The following WWOX variants were observed in gnomAD, a reference collection of about 807,000 sequenced individuals.
WWOX encodes WW domain-containing oxidoreductase.
WWOX carries 69 observed loss-of-function variants against 46.2 expected under a neutral mutation model. The observed-to-expected ratio is 1.49, with a 90% CI of 1.23 to 1.82. The LOEUF (loss-of-function observed/expected upper bound fraction) is 1.82, where lower values mean the gene tolerates loss of function less well. Ranked by LOEUF, WWOX falls within the 40% of genes most tolerant of loss-of-function variation. The pLI is 0.00. For synonymous variants in WWOX, 359 were observed against 202.6 expected, an observed-to-expected ratio of 1.77 and a Z score of -6.56; for missense variants, 919 against 542.6, an observed-to-expected ratio of 1.69 and a Z score of -6.89.
chr16:78,855,981 A>G (rs765376710), intron 8 of WWOX, among the ~76,000 whole-genome samples: 1 of 152,210 alleles, frequency 6.6e-6, no homozygotes, highest in Non-Finnish European at 1.5e-5. Flanking sequence ...TGCACGCACA[A>G]GGTACCCAAG....
chr16:79,118,454 A>C (rs2049562686), intron 8 of WWOX, among the ~76,000 whole-genome samples: 1 of 152,226 alleles, frequency 6.6e-6, no homozygotes, highest in Non-Finnish European at 1.5e-5. Context: ...AAGAATTATC[A>C]AAATGTGATA....
intron 8 of WWOX, among the ~76,000 whole-genome samples, chr16:79,083,633 C>T (rs994020025): frequency 6.6e-6 from 1 of 152,136 alleles, no homozygotes; most frequent in Non-Finnish European, 1.5e-5. Flanking sequence ...CACGATAAGA[C>T]AGTTAGGTTC....
At chr16:78,953,572 C>G (rs779341324) in intron 8 of WWOX, among the ~76,000 whole-genome samples, 2 of 152,166 alleles carry the variant, frequency 1.3e-5, no homozygotes, top group Non-Finnish European at 2.9e-5. Context: ...GACTCATTGA[C>G]GGCAGAGAGT....
At chr16:78,785,196 T>C (rs183363379) in intron 8 of WWOX, among the ~76,000 whole-genome samples, 16 of 152,276 alleles carry the variant, frequency 1.1e-4, no homozygotes, top group African/African-American at 3.6e-4. Flanking sequence ...TAAGATGAAG[T>C]GTCTTTTGCT....
At chr16:78,699,704 C>G (rs1441174777) in intron 8 of WWOX, among the ~76,000 whole-genome samples, 1 of 152,184 alleles carries the variant, frequency 6.6e-6, no homozygotes, top group Non-Finnish European at 1.5e-5. Flanking sequence ...TATCTACAGC[C>G]TCTACCAGAT....
chr16:78,559,753 C>G (rs1458445438), intron 8 of WWOX, among the ~76,000 whole-genome samples: 1 of 152,190 alleles, frequency 6.6e-6, no homozygotes, highest in Non-Finnish European at 1.5e-5. Flanking sequence ...TAACTAATGA[C>G]TTTAATCGTG....
chr16:78,222,389 A>C (rs2036917674), intron 5 of WWOX, among the ~76,000 whole-genome samples: 2 of 151,738 alleles, frequency 1.3e-5, no homozygotes, highest in African/African-American at 4.8e-5. Flanking sequence ...GAGTGGCAAC[A>C]GAACTTGGGA....
At chr16:79,108,152 C>G (rs1417617645) in intron 8 of WWOX, among the ~76,000 whole-genome samples, 3 of 152,202 alleles carry the variant, frequency 2.0e-5, no homozygotes, top group East Asian at 3.9e-4. Context: ...AATAGGCACT[C>G]TGTTGGTGGC....
chr16:78,774,216 C>A (rs1009392705), intron 8 of WWOX, among the ~76,000 whole-genome samples: 1 of 152,132 alleles, frequency 6.6e-6, no homozygotes, highest in Non-Finnish European at 1.5e-5. Context: ...TCCTGGCCAA[C>A]ATGGTGAAAC....
intron 8 of WWOX, among the ~76,000 whole-genome samples, chr16:78,928,627 A>T (rs4243163): frequency 0.99 from 150,229 of 152,190 alleles, 74,176 homozygotes; most frequent in Middle Eastern, 1. Flanking sequence ...AGATGAAATG[A>T]AAGAAATTCT....
chr16:79,009,720 G>T (rs888364701), intron 8 of WWOX, among the ~76,000 whole-genome samples: 2 of 152,076 alleles, frequency 1.3e-5, no homozygotes, highest in Non-Finnish European at 2.9e-5. Context: ...CAAAGTGCTG[G>T]GATTACAGGT....
At chr16:78,491,017 C>T (rs545354971) in intron 8 of WWOX, among the ~76,000 whole-genome samples, 15 of 152,174 alleles carry the variant, frequency 9.9e-5, no homozygotes, top group African/African-American at 2.2e-4. Context: ...TTCCACCTCT[C>T]CCTCTTGGCC....
intron 8 of WWOX, among the ~76,000 whole-genome samples, chr16:78,644,771 G>A (rs1038958259): frequency 2.0e-5 from 3 of 152,074 alleles, no homozygotes; most frequent in African/African-American, 4.8e-5. Context: ...CCAAACCTCG[G>A]CACTTTTATC....
At chr16:78,424,743 C>T (rs1309379726) in intron 6 of WWOX, 127 bp from the exon 7 acceptor site, 5 of 1,079,702 alleles carry the variant, frequency 4.6e-6, no homozygotes, top group Non-Finnish European at 7.1e-6. Context: ...TTTCTCATTC[C>T]CGAAGGAGCA....
chr16:78,421,012 G>A (rs1256768149), intron 6 of WWOX, among the ~76,000 whole-genome samples: 2 of 152,104 alleles, frequency 1.3e-5, no homozygotes, highest in South Asian at 4.1e-4. Flanking sequence ...CCACTTCTCT[G>A]TTGTTGGATG....
chr16:78,706,753 A>G lies in WWOX; in HGVS notation c.1056+274001A>G, dbSNP rs559042620. 2.6e-5 allele frequency among the ~76,000 whole-genome samples: 4 copies of G among 152,282 alleles called. No homozygotes were observed. The South Asian group carries it at 8.3e-4, about 32-fold the overall frequency. ...ATGGTACTGACGCAATTGGCACCTC[A>G]GATGGTTCTTCCTGACAGCTACCCT... On this transcript the variant is annotated intron_variant, in intron 8 of 8. Transcript: ENST00000566780.
At position 78,553,868 on chromosome 16, in the gene WWOX, G is replaced by C. The variant is rs932765130; in HGVS notation, c.1056+121116G>C. 2.0e-5 allele frequency among the ~76,000 whole-genome samples: 3 copies of C among 152,158 alleles called. No homozygotes were observed. In the East Asian group the frequency reaches 5.8e-4, roughly 30 times the overall value. ...GGAAGTGTGGCTGCCCGGAGAGCTT[G>C]GCTGAGGTTGGAACGTGGGAGTTTA... On this transcript the variant is annotated intron_variant, in intron 8 of 8. Transcript: ENST00000566780.
chr16:79,036,221 C>G (rs550241642), intron 8 of WWOX, among the ~76,000 whole-genome samples: 4 of 152,328 alleles, frequency 2.6e-5, no homozygotes, highest in South Asian at 2.1e-4. Context: ...CCCACTACAG[C>G]TTTCTCCCCA....
chr16:78,199,230 T>G (rs1378452931), intron 5 of WWOX, among the ~76,000 whole-genome samples: 2 of 152,086 alleles, frequency 1.3e-5, no homozygotes, highest in Non-Finnish European at 2.9e-5. Context: ...GGAGAATCAC[T>G]TGAACCCAGG....
Sources: gnomAD v4.1 joint callset for allele counts (sites outside exome capture counted in the v4.1 genomes callset) on GRCh38, gnomAD v4.1.1 for gene constraint, MANE v1.5 for transcripts, NCBI Gene and HGNC (gene_info 2026-07-23, HGNC 2026-07-21) for gene names.